Variants in PCDH15 observed in about 807,000 individuals in gnomAD.
PCDH15 encodes protocadherin related 15.
Under a neutral mutation model 178.5 loss-of-function variants are expected in PCDH15, and 129 were observed. The ratio of observed to expected loss-of-function variants is 0.72; its 90% CI spans 0.63 to 0.84. The LOEUF is 0.84. Ranked by LOEUF, PCDH15 falls within the 40% of genes least tolerant of loss-of-function variation. PCDH15 has a pLI of 0.00. For missense variants in PCDH15, 2,230 were observed against 2,099.9 expected, an observed-to-expected ratio of 1.06 and a Z score of -1.21; for synonymous variants, 800 against 732.0, an observed-to-expected ratio of 1.09 and a Z score of -1.50.
chr10:54,725,960 G>A (rs146881577), intron 1 of PCDH15, among the ~76,000 whole-genome samples: 1 of 151,764 alleles, frequency 6.6e-6, no homozygotes, highest in East Asian at 1.9e-4. Context: ...AAAGATTTAA[G>A]CAGGTACCTG....
intron 2 of PCDH15, among the ~76,000 whole-genome samples, chr10:54,973,157 T>G (rs1432646072): frequency 6.6e-6 from 1 of 152,126 alleles, no homozygotes; most frequent in Non-Finnish European, 1.5e-5. Flanking sequence ...GAATGCAGAA[T>G]AATAAAAACA....
intron 2 of PCDH15, among the ~76,000 whole-genome samples, chr10:54,980,977 T>C (rs1052904793): frequency 2.0e-5 from 3 of 152,106 alleles, no homozygotes; most frequent in African/African-American, 7.2e-5. Context: ...GTACATCTTA[T>C]GTTGTAACCC....
At chr10:54,646,979 A>G (rs1185438002) in intron 2 of PCDH15, among the ~76,000 whole-genome samples, 1 of 152,094 alleles carries the variant, frequency 6.6e-6, no homozygotes, top group African/African-American at 2.4e-5. Context: ...CATGAATCCT[A>G]CTTCTAGGTA....
At chr10:55,074,397 T>A (rs1412882600) in intron 2 of PCDH15, among the ~76,000 whole-genome samples, 1 of 152,168 alleles carries the variant, frequency 6.6e-6, no homozygotes, top group Non-Finnish European at 1.5e-5. Flanking sequence ...CTTTTAATAA[T>A]CACCATTCTG....
intron 2 of PCDH15, among the ~76,000 whole-genome samples, chr10:55,577,971 C>G (rs4132892): frequency 0.36 from 55,263 of 151,826 alleles, 10,214 homozygotes; most frequent in East Asian, 0.49. Flanking sequence ...GAGAGAGCAA[C>G]TGTTACTTTT....
intron 2 of PCDH15, among the ~76,000 whole-genome samples, chr10:55,502,585 C>T (rs1157686569): frequency 6.6e-6 from 1 of 151,578 alleles, no homozygotes; most frequent in Non-Finnish European, 1.5e-5. Context: ...TAAAAGAGTG[C>T]TTGAAACTTT....
At chr10:54,334,897 T>C (rs1463948956) in intron 6 of PCDH15, among the ~76,000 whole-genome samples, 1 of 152,202 alleles carries the variant, frequency 6.6e-6, no homozygotes. Flanking sequence ...TCTTTTTCTG[T>C]ACCTCTCTCT....
intron 1 of PCDH15, among the ~76,000 whole-genome samples, chr10:55,289,010 A>T (rs1398877810): frequency 6.6e-6 from 1 of 151,960 alleles, no homozygotes; most frequent in African/African-American, 2.4e-5. Context: ...ATTTGCTATC[A>T]TTTCTTTAAT....
chr10:54,260,391 A>T (rs1348433635), intron 8 of PCDH15, among the ~76,000 whole-genome samples: 1 of 78,400 alleles, frequency 1.3e-5, no homozygotes, highest in Admixed American at 1.3e-4. Context: ...TAACTATGCT[A>T]GTTTAAAAAA....
At chr10:55,525,381 C>A (rs1358554539) in intron 2 of PCDH15, among the ~76,000 whole-genome samples, 1 of 151,766 alleles carries the variant, frequency 6.6e-6, no homozygotes, top group Non-Finnish European at 1.5e-5. Context: ...GTAAGTTATT[C>A]TCATCATAAT....
In PCDH15 at chr10:54,085,003, TACTAATAAAGGGAGCTAGGTATTG is replaced by T. The variant is rs548203183; in HGVS notation, c.1997+4957_1997+4980del. 9.2e-4 allele frequency among the ~76,000 whole-genome samples: 140 copies of T among 152,184 alleles called. 1 individual carries two copies. Among genetic ancestry groups the T allele is most frequent in the African/African-American group, 3.2e-3 (134 of 41,540 alleles). ...TAGCAATTAGCAATTAACAAAAACC[TACTAATAAAGGGAGCTAGGTATTG>T]ACAGCAGTTTGGGGAAAAGATGATG... On this transcript the variant is annotated intron_variant, in intron 16 of 37. Coordinates refer to ENST00000644397, the MANE Select transcript of PCDH15 (RefSeq NM_001384140.1).
intron 2 of PCDH15, among the ~76,000 whole-genome samples, chr10:54,533,973 C>A (rs2084212288): frequency 6.6e-6 from 1 of 152,022 alleles, no homozygotes; most frequent in East Asian, 1.9e-4. Context: ...TAATATTGGA[C>A]AAATTATTTA....
chr10:54,329,701 G>A lies in PCDH15; in HGVS notation c.600C>T (p.Ser200=). ...VIQYNPDDPT[S]NDTFEIPLML... is the part of the protein sequence containing the mutation. The stretch of plus-strand genomic sequence containing the variant: ...TTAGGGGAATTTCAAAGGTGTCATT[G>A]GATGTCTGCAAATATTAAAGATACA... Residue 200 remains serine, a synonymous_variant, in exon 7 of 38, where the codon TCC becomes TCT. Coordinates refer to ENST00000644397, the MANE Select transcript of PCDH15 (RefSeq NM_001384140.1). The A allele has an allele frequency of 6.4e-7, 1 of 1,560,426 alleles. No homozygotes were observed. Among genetic ancestry groups the A allele is most frequent in the Non-Finnish European group, 8.8e-7 (1 of 1,131,670 alleles).
chr10:54,287,773 T>C (rs766775249), intron 8 of PCDH15, among the ~76,000 whole-genome samples: 9 of 152,192 alleles, frequency 5.9e-5, no homozygotes, highest in Non-Finnish European at 8.8e-5. Context: ...ATTAATTATA[T>C]CTGAATCTAA....
chr10:54,823,365 G>GATA (rs777531735), intron 3 of PCDH15, among the ~76,000 whole-genome samples: 1 of 152,044 alleles, frequency 6.6e-6, no homozygotes, highest in Non-Finnish European at 1.5e-5. Context: ...CCCTCCAAGA[G>GATA]ATAACATTAC....
chr10:54,226,358 A>G (rs2053447856), intron 9 of PCDH15, among the ~76,000 whole-genome samples: 1 of 152,144 alleles, frequency 6.6e-6, no homozygotes. Flanking sequence ...TGCCACCATT[A>G]TTCAGTTATC....
intron 1 of PCDH15, among the ~76,000 whole-genome samples, chr10:54,764,370 G>A (rs562326239): frequency 1.3e-5 from 2 of 152,120 alleles, no homozygotes; most frequent in Admixed American, 6.5e-5. Flanking sequence ...CTAGAGAAAT[G>A]TGACTCCTAT....
intron 3 of PCDH15, among the ~76,000 whole-genome samples, chr10:54,873,628 T>A (rs1206823587): frequency 6.8e-6 from 1 of 147,262 alleles, no homozygotes; most frequent in Non-Finnish European, 1.5e-5. Context: ...AATCTTCCCG[T>A]ATGTTCTCTC....
chr10:53,891,510 C>T (rs936976387), intron 26 of PCDH15, among the ~76,000 whole-genome samples: 3 of 152,112 alleles, frequency 2.0e-5, no homozygotes, highest in Admixed American at 1.3e-4. Context: ...TGCTAGAGTG[C>T]ACTCAAACTT....
Sources: gnomAD v4.1 joint callset for allele counts (sites outside exome capture counted in the v4.1 genomes callset) on GRCh38, gnomAD v4.1.1 for gene constraint, MANE v1.5 for transcripts, NCBI Gene and HGNC (gene_info 2026-07-23, HGNC 2026-07-21) for gene names.